CLCA2: variants seen among roughly 807,000 people sequenced by gnomAD.
CLCA2 encodes calcium-activated chloride channel regulator 2.
Under a neutral mutation model 82.9 loss-of-function variants are expected in CLCA2, and 85 were observed. That is an observed-to-expected ratio of 1.03 (90% confidence interval 0.86 to 1.23). The LOEUF is 1.23. Among genes scored for constraint, CLCA2 ranks in the 50% most tolerant of loss-of-function variants. The probability of loss-of-function intolerance (pLI) is 0.00; values close to 1 mark genes in which losing one functional copy is unlikely to be tolerated. For synonymous variants in CLCA2, 421 were observed against 391.7 expected, an observed-to-expected ratio of 1.07 and a Z score of -0.88; for missense variants, 1,089 against 1,124.8, an observed-to-expected ratio of 0.97 and a Z score of 0.45.
chr1:86,447,257 A>G (rs903782570), intron 10 of CLCA2, among the ~76,000 whole-genome samples: 4 of 152,186 alleles, frequency 2.6e-5, no homozygotes, highest in Non-Finnish European at 2.9e-5. Flanking sequence ...CCTCACTCCA[A>G]ATAAATTCGA....
At chr1:86,448,910 C>G (rs1229714394) in intron 11 of CLCA2, among the ~76,000 whole-genome samples, 1 of 152,228 alleles carries the variant, frequency 6.6e-6, no homozygotes, top group African/African-American at 2.4e-5. Context: ...TCTCTTGCCC[C>G]ACCCTGTGGG....
chr1:86,452,827 C>T (rs1662999666), intron 12 of CLCA2, among the ~76,000 whole-genome samples: 1 of 152,088 alleles, frequency 6.6e-6, no homozygotes, highest in Non-Finnish European at 1.5e-5. Context: ...ACTATAAATT[C>T]CATGAGGGAT....
intron 3 of CLCA2, among the ~76,000 whole-genome samples, chr1:86,429,623 C>G (rs1662455220): frequency 6.6e-6 from 1 of 152,122 alleles, no homozygotes; most frequent in African/African-American, 2.4e-5. Flanking sequence ...TGAGTGAGAT[C>G]TGAGGGAGAA....
intron 5 of CLCA2, among the ~76,000 whole-genome samples, 198 bp from the exon 6 acceptor site, chr1:86,434,320 C>T (rs1662556573): frequency 1.3e-5 from 2 of 152,172 alleles, no homozygotes; most frequent in South Asian, 4.1e-4. Context: ...CACAAAGATG[C>T]TAGTGTTCCC....
rs781089415 is a variant in CLCA2, at chr1:86,455,346, C to A, written c.2651C>A (p.Ala884Glu). The part of the protein sequence containing the change: ...LQSAVSNIAQ[A>E]PLFIPPNSDP... ...TCTGCTGTATCTAACATTGCCCAGG[C>A]GCCTCTGTTTATTCCCCCCAATTCT... is the stretch of plus-strand genomic sequence containing the variant. Residue 884 changes from alanine (A) to glutamate (E), a missense_variant, in exon 14 of 14, where the codon GCG becomes GAG. Ala to Glu is a moderately radical substitution (Grantham distance 107). Transcript: ENST00000370565. 6.2e-7 allele frequency: 1 copy of A among 1,612,092 alleles called. No homozygotes were observed. Among genetic ancestry groups the A allele is most frequent in the Non-Finnish European group, 8.5e-7 (1 of 1,179,338 alleles).
intron 12 of CLCA2, 76 bp from the exon 13 acceptor site, chr1:86,453,293 C>G: frequency 9.1e-7 from 1 of 1,095,414 alleles, no homozygotes; most frequent in South Asian, 1.4e-5. Flanking sequence ...TTAAGAAAGT[C>G]TCACTGTGTC....
chr1:86,426,226 G>GGCCAGAAGT, intron 2 of CLCA2, among the ~76,000 whole-genome samples: 1 of 152,236 alleles, frequency 6.6e-6, no homozygotes, highest in African/African-American at 2.4e-5. Flanking sequence ...CTACCAGAAG[G>GGCCAGAAGT]GCCAGAAGTA....
chr1:86,443,152 G>A (rs1417879082), intron 9 of CLCA2, among the ~76,000 whole-genome samples: 3 of 151,662 alleles, frequency 2.0e-5, no homozygotes, highest in Non-Finnish European at 2.9e-5. Context: ...TCAGTCTCCC[G>A]AGCACCTGGG....
rs1194196075 is a variant in CLCA2 at position 86,424,329 on chromosome 1, T to C, written c.82T>C (p.Phe28Leu). 7 of 1,613,774 alleles carry C rather than the reference T, an allele frequency of 4.3e-6. No homozygotes were observed. The highest frequency in any genetic ancestry group is 4.0e-5 in the African/African-American group (3 of 74,906). ...GGTTGCCTTAAGTTCAGAACTCCCA[T>C]TCCTGGGAGCTGGAGTACAGCTTCA... Reference protein sequence around the residue: ...LLVALSSELPFLGAGVQLQDN... With the variant: ...LLVALSSELPLLGAGVQLQDN... The change falls in exon 1 of 14, where the codon TTC (phenylalanine) becomes CTC (leucine). Residue 28 changes from phenylalanine to leucine, a missense_variant. Physicochemically the swap from Phe to Leu is conservative, Grantham distance 22. Coordinates refer to ENST00000370565, the MANE Select transcript of CLCA2 (RefSeq NM_006536.7).
At chr1:86,436,168 G>A (rs1662605970) in intron 6 of CLCA2, among the ~76,000 whole-genome samples, 1 of 152,154 alleles carries the variant, frequency 6.6e-6, no homozygotes, top group Admixed American at 6.5e-5. Flanking sequence ...GCTGATCCCT[G>A]AGCTAAATTC....
At position 86,431,985 on chromosome 1, in the gene CLCA2, G is replaced by A. The variant is rs541570519; in HGVS notation, c.585-384G>A. 1.5e-4 allele frequency among the ~76,000 whole-genome samples: 23 copies of A among 152,110 alleles called. No individual in the cohort carries two copies. In the South Asian group the frequency reaches 3.7e-3, roughly 25 times the overall value. On this transcript the variant is annotated intron_variant, in intron 4 of 13. Coordinates refer to ENST00000370565, the MANE Select transcript of CLCA2 (RefSeq NM_006536.7). Reference sequence around the variant, plus strand: ...AGTTTCGCTCCTGTCGCCCAGGCTGGAGTGCAATGGCACGATTTCGGCTCA... The same window carrying A: ...AGTTTCGCTCCTGTCGCCCAGGCTGAAGTGCAATGGCACGATTTCGGCTCA...
chr1:86,455,103 G>T lies in CLCA2; in HGVS notation c.2408G>T (p.Arg803Ile). 6.5e-7 allele frequency: 1 copy of T among 1,542,852 alleles called. No individual in the cohort carries two copies. Among genetic ancestry groups the T allele is most frequent in the Non-Finnish European group, 8.8e-7 (1 of 1,142,210 alleles). Reference sequence around the variant, plus strand: ...ATTTCAGCTACAAGCTATGAAATAAGAATGAGTAAAAGTCTACAGAATATC... The same window carrying T: ...ATTTCAGCTACAAGCTATGAAATAATAATGAGTAAAAGTCTACAGAATATC... ...DQGQATSYEI[R>I]MSKSLQNIQD... is the part of the protein sequence containing the mutation. Residue 803 changes from arginine (R) to isoleucine (I), a missense_variant, in exon 14 of 14, where the codon AGA (arginine) becomes ATA (isoleucine). Transcript: ENST00000370565.
Position 86,430,935 on chromosome 1 carries a change from C to G in CLCA2, c.549C>G (p.Phe183Leu). The part of the protein sequence containing the change: ...VFDEYNNDKP[F>L]YINGQNQIKV... ...ATGAGTATAACAATGACAAACCTTT[C>G]TACATAAATGGGCAAAATCAAATTA... Residue 183 changes from phenylalanine (F) to leucine (L), a missense_variant, in exon 4 of 14, where the codon TTC becomes TTG. Transcript: ENST00000370565. 6.2e-7 allele frequency: 1 copy of G among 1,613,014 alleles called. No homozygotes were observed. Among genetic ancestry groups the G allele is most frequent in the Non-Finnish European group, 8.5e-7 (1 of 1,179,490 alleles).
chr1:86,428,390 G>A (rs761769984), intron 2 of CLCA2, 28 bp from the exon 3 acceptor site: 2 of 1,568,490 alleles, frequency 1.3e-6, no homozygotes, highest in Non-Finnish European at 1.7e-6. Flanking sequence ...AGCTGAGAAA[G>A]TATTACAAGG....
At chr1:86,441,642 A>T (rs1394430725) in intron 9 of CLCA2, 99 bp downstream of exon 9, 4 of 755,188 alleles carry the variant, frequency 5.3e-6, no homozygotes, top group Non-Finnish European at 6.7e-6. Context: ...CATTAACCTT[A>T]CTTGAATATG....
At chr1:86,427,664 T>G (rs1241659474) in intron 2 of CLCA2, among the ~76,000 whole-genome samples, 2 of 152,044 alleles carry the variant, frequency 1.3e-5, no homozygotes, top group Non-Finnish European at 2.9e-5. Flanking sequence ...TTAAAAAAAC[T>G]TAACAGCATA....
At chr1:86,438,761 T>G in intron 6 of CLCA2, 115 bp from the exon 7 acceptor site, 1 of 834,540 alleles carries the variant, frequency 1.2e-6, no homozygotes, top group Non-Finnish European at 1.9e-6. Context: ...CTCAAAAAAT[T>G]ATGATCCAAC....
chr1:86,425,292 C>G (rs887660032), intron 1 of CLCA2, 47 bp from the exon 2 acceptor site: 9 of 1,425,868 alleles, frequency 6.3e-6, no homozygotes, highest in Non-Finnish European at 7.5e-6. Context: ...CCAAAACATA[C>G]AGGATTTACA....
chr1:86,452,041 A>AG (rs1384755250), intron 12 of CLCA2, among the ~76,000 whole-genome samples: 1 of 152,106 alleles, frequency 6.6e-6, no homozygotes, highest in African/African-American at 2.4e-5. Flanking sequence ...TAAGCTTAAA[A>AG]TCCAGATCTA....
Sources: gnomAD v4.1 joint callset for allele counts (sites outside exome capture counted in the v4.1 genomes callset) on GRCh38, gnomAD v4.1.1 for gene constraint, MANE v1.5 for transcripts, NCBI Gene and HGNC (gene_info 2026-07-23, HGNC 2026-07-21) for gene names.